The following AGGF1 variants were observed in gnomAD, a reference collection of about 807,000 sequenced individuals.
The protein encoded by AGGF1 is angiogenic factor with G-patch and FHA domains 1, also known as angiogenic factor with G patch and FHA domains 1.
A neutral mutation model predicts 86.5 loss-of-function variants in AGGF1; 56 were observed. That is an observed-to-expected ratio of 0.65 (90% CI 0.52 to 0.81). The LOEUF (loss-of-function observed/expected upper bound fraction) is 0.81. Ranked by LOEUF, AGGF1 falls within the 30% of genes least tolerant of loss-of-function variation. The probability of loss-of-function intolerance (pLI) is 0.00; values close to 1 mark genes in which losing one functional copy is unlikely to be tolerated. For synonymous variants in AGGF1, 313 were observed against 297.1 expected, an observed-to-expected ratio of 1.05 and a Z score of -0.55; for missense variants, 816 against 850.9, an observed-to-expected ratio of 0.96 and a Z score of 0.51.
At chr5:77,054,781 G>C (rs1420011290) in intron 10 of AGGF1, among the ~76,000 whole-genome samples, 1 of 152,004 alleles carries the variant, frequency 6.6e-6, no homozygotes, top group Admixed American at 6.5e-5. Context: ...CTTTTGACAG[G>C]TATGTATTGA....
At chr5:77,048,390 T>A in intron 7 of AGGF1, 118 bp downstream of exon 7, 1 of 844,650 alleles carries the variant, frequency 1.2e-6, no homozygotes, top group Non-Finnish European at 1.8e-6. Context: ...TGTGCTCTGT[T>A]GTCCAGGCTG....
intron 4 of AGGF1, among the ~76,000 whole-genome samples, chr5:77,038,847 C>T (rs934452918): frequency 2.0e-5 from 3 of 151,924 alleles, no homozygotes; most frequent in Non-Finnish European, 4.4e-5. Context: ...TAGGTGATTA[C>T]CTAATTTTAT....
At position 77,041,513 on chromosome 5, in the gene AGGF1, G is replaced by A. The variant is rs927302297; in HGVS notation, c.870+1794G>A. Among the ~76,000 whole-genome samples, 4 of 145,872 alleles carry A rather than the reference G, an allele frequency of 2.7e-5. No individual in the cohort carries two copies. The East Asian group carries it at 8.2e-4, about 30-fold the overall frequency. ...ACCTGGGAGGCGGAGGTTGCAGTGA[G>A]CCAGGATCGCACCACCACACTGCAG... On this transcript the variant is annotated intron_variant, in intron 5 of 13. Transcript: ENST00000312916.
intron 10 of AGGF1, among the ~76,000 whole-genome samples, chr5:77,054,561 A>AAGAGAGT (rs1342623447): frequency 4.6e-5 from 7 of 152,162 alleles, no homozygotes; most frequent in African/African-American, 1.7e-4. Flanking sequence ...GAAAATTGGT[A>AAGAGAGT]AGAGAGTAGA....
chr5:77,056,351 G>A (rs180674012), intron 11 of AGGF1, among the ~76,000 whole-genome samples: 86 of 149,696 alleles, frequency 5.7e-4, no homozygotes, highest in African/African-American at 2.1e-3. Context: ...GCCTCAGCCT[G>A]ACAAGCAGCT....
intron 5 of AGGF1, among the ~76,000 whole-genome samples, chr5:77,044,039 G>C (rs1025166550): frequency 6.8e-5 from 8 of 118,034 alleles, no homozygotes; most frequent in Non-Finnish European, 8.9e-5. Flanking sequence ...GGGAAGAGAC[G>C]CTCCTCACTT....
chr5:77,047,605 C>CT (rs137972501), intron 6 of AGGF1, among the ~76,000 whole-genome samples: 45,357 of 151,924 alleles, frequency 0.3, 7,016 homozygotes, highest in Non-Finnish European at 0.31. Context: ...CCTCCGCCTC[C>CT]TGGGTTCAAG....
At chr5:77,062,061 G>C (rs1042875731) in intron 13 of AGGF1, among the ~76,000 whole-genome samples, 3 of 152,060 alleles carry the variant, frequency 2.0e-5, no homozygotes, top group African/African-American at 4.8e-5. Flanking sequence ...TGAGCCAAAG[G>C]TTCTTCTGTG....
intron 6 of AGGF1, among the ~76,000 whole-genome samples, 197 bp downstream of exon 6, chr5:77,046,874 C>A (rs957497791): frequency 3.3e-5 from 5 of 152,140 alleles, no homozygotes; most frequent in Non-Finnish European, 7.4e-5. Flanking sequence ...AATACTTAGA[C>A]CTTCAGAAGG....
intron 13 of AGGF1, 104 bp from the exon 14 acceptor site, chr5:77,062,948 C>T: frequency 8.4e-7 from 1 of 1,196,754 alleles, no homozygotes; most frequent in South Asian, 1.3e-5. Flanking sequence ...TCTTTTGCAT[C>T]AATCTTTAAT....
chr5:77,061,900 T>A, intron 13 of AGGF1, 98 bp downstream of exon 13: 1 of 1,144,716 alleles, frequency 8.7e-7, no homozygotes, highest in Non-Finnish European at 1.3e-6. Context: ...AAGAATATAG[T>A]AGAAAGCAAA....
Position 77,030,983 on chromosome 5 carries a change from G to A in AGGF1, c.210+7G>A, listed in dbSNP as rs769318608. 97 of 1,611,238 alleles carry A rather than the reference G, an allele frequency of 6.0e-5. No homozygotes were observed. Among genetic ancestry groups the A allele is most frequent in the Non-Finnish European group, 8.1e-5 (95 of 1,179,882 alleles). ...CCAGGAGCTCCGCACGCAGGTGCGC[G>A]GTCCTCCTCAGCCCCGCGCCCCATC... On this transcript the variant is annotated splice_region_variant and intron_variant, in intron 1 of 13. Coordinates refer to ENST00000312916, the MANE Select transcript of AGGF1 (RefSeq NM_018046.5).
At position 77,055,000 on chromosome 5, in the gene AGGF1, A is replaced by G. The variant is rs891438916; in HGVS notation, c.1634-514A>G. Among the ~76,000 whole-genome samples the G allele has an allele frequency of 4.1e-4, 63 of 152,282 alleles. 2 individuals are homozygous for G. The highest frequency in any genetic ancestry group is 8.4e-4 in the Non-Finnish European group (57 of 67,974). On this transcript the variant is annotated intron_variant, in intron 10 of 13. Coordinates refer to ENST00000312916, the MANE Select transcript of AGGF1 (RefSeq NM_018046.5). Reference sequence around the variant, plus strand: ...CAGCCCAGCCATCGAAAGCTCTTAAAATTTAAATAGATGCTTTGAACTAGT... The same window carrying G: ...CAGCCCAGCCATCGAAAGCTCTTAAGATTTAAATAGATGCTTTGAACTAGT...
At position 77,059,680 on chromosome 5, in the gene AGGF1, G is replaced by T. The variant is rs778079289; in HGVS notation, c.1781G>T (p.Arg594Leu). The T allele has an allele frequency of 5.6e-6, 9 of 1,613,750 alleles. No individual in the cohort carries two copies. Among genetic ancestry groups the T allele is most frequent in the Non-Finnish European group, 6.8e-6 (8 of 1,179,708 alleles). Residue 594 changes from arginine (R) to leucine (L), a missense_variant, in exon 12 of 14, where the codon CGT becomes CTT. Arg to Leu is a moderately radical substitution (Grantham distance 102). This residue lies in a region of AGGF1 where 565 missense variants were observed against 585.8 expected (regional missense o/e 0.96). Transcript: ENST00000312916. ...AAATATAAAGATAGAGCTGGAAAAC[G>T]TAGGGAGCAGGTTGGAAGTGAAGGA... Reference protein sequence around the residue: ...NPKYKDRAGKRREQVGSEGTF... With the variant: ...NPKYKDRAGKLREQVGSEGTF...
At chr5:77,058,051 G>A (rs1220597066) in intron 11 of AGGF1, among the ~76,000 whole-genome samples, 1 of 152,204 alleles carries the variant, frequency 6.6e-6, no homozygotes. Context: ...CACAGGGAAG[G>A]TCTGGAGAGT....
chr5:77,045,833 A>G (rs1435650037), intron 5 of AGGF1, among the ~76,000 whole-genome samples: 4 of 152,174 alleles, frequency 2.6e-5, no homozygotes, highest in Admixed American at 2.0e-4. Flanking sequence ...GCTAATCCAA[A>G]CTCAAATGTG....
chr5:77,045,801 G>A (rs1747236514), intron 5 of AGGF1, among the ~76,000 whole-genome samples: 1 of 152,212 alleles, frequency 6.6e-6, no homozygotes. Flanking sequence ...GCTCCATGTG[G>A]CTGTTGAGCA....
chr5:77,057,167 A>G (rs1385297959), intron 11 of AGGF1, among the ~76,000 whole-genome samples: 1 of 152,236 alleles, frequency 6.6e-6, no homozygotes, highest in Non-Finnish European at 1.5e-5. Flanking sequence ...GTGGGAATGT[A>G]AAATGGTGCG....
chr5:77,059,475 A>T, intron 11 of AGGF1, 141 bp from the exon 12 acceptor site: 2 of 791,402 alleles, frequency 2.5e-6, no homozygotes, highest in Non-Finnish European at 4.0e-6. Flanking sequence ...AGCCACCTGT[A>T]ATTTCTTCAT....
Sources: gnomAD v4.1 joint callset for allele counts (sites outside exome capture counted in the v4.1 genomes callset) on GRCh38, gnomAD v4.1.1 for gene constraint, gnomAD v4.1.1 regional missense constraint, MANE v1.5 for transcripts, NCBI Gene and HGNC (gene_info 2026-07-23, HGNC 2026-07-21) for gene names.